BMPER: variants seen among roughly 807,000 people sequenced by gnomAD.
BMPER encodes the protein BMP-binding endothelial regulator protein.
BMPER carries 45 observed loss-of-function variants against 87.3 expected under a neutral mutation model. That is an observed-to-expected ratio of 0.52 (90% confidence interval 0.41 to 0.66). The LOEUF (loss-of-function observed/expected upper bound fraction) is 0.66. BMPER is among the 30% of genes least tolerant of loss of function. The pLI is 0.00. For missense variants in BMPER, 784 were observed against 867.5 expected (o/e 0.90, Z 1.21); for synonymous variants, 326 against 316.2 (o/e 1.03, Z -0.33).
rs761716484 is a variant in BMPER, at chr7:34,085,889, C to A, written c.1542C>A (p.Asn514Lys). 6.2e-7 allele frequency: 1 copy of A among 1,614,172 alleles called. No individual in the cohort carries two copies. The highest frequency in any genetic ancestry group is 1.7e-5 in the Admixed American group (1 of 60,020). The change falls in exon 13 of 15, where the codon AAC becomes AAA. Residue 514 changes from asparagine (N) to lysine (K), a missense_variant. By Grantham distance (94) the Asn-to-Lys change is moderately conservative. Transcript: ENST00000649409. ...ATGACTTAATTGGTGGAGATGGAAA[C>A]TTCAAGTTTGATGTGGATGACTTTG... ...KRDDLIGGDG[N>K]FKFDVDDFAE...
intron 2 of BMPER, among the ~76,000 whole-genome samples, chr7:33,923,822 T>C (rs1034755327): frequency 2.0e-5 from 3 of 152,252 alleles, no homozygotes; most frequent in Non-Finnish European, 4.4e-5. Context: ...TTTTTCTTTT[T>C]GGTGGATCTT....
At chr7:34,058,254 T>G (rs924883576) in intron 10 of BMPER, 91 bp downstream of exon 10, 2 of 1,201,966 alleles carry the variant, frequency 1.7e-6, no homozygotes, top group Non-Finnish European at 2.4e-6. Context: ...GAACACAGAC[T>G]CCAGCTCCCC....
intron 14 of BMPER, 59 bp downstream of exon 14, chr7:34,143,419 A>T: frequency 6.2e-7 from 1 of 1,607,348 alleles, no homozygotes; most frequent in Non-Finnish European, 8.5e-7. Context: ...CAAGATGGCA[A>T]TGGAGGAGAC....
chr7:34,114,270 A>G (rs1280306695), intron 13 of BMPER, among the ~76,000 whole-genome samples: 2 of 152,170 alleles, frequency 1.3e-5, no homozygotes, highest in Non-Finnish European at 2.9e-5. Flanking sequence ...TCAGCCAGCC[A>G]AGGACCTATG....
intron 3 of BMPER, among the ~76,000 whole-genome samples, chr7:33,945,441 G>A (rs769636573): frequency 3.3e-5 from 5 of 150,568 alleles, no homozygotes; most frequent in African/African-American, 1.2e-4. Context: ...TAGTAGAGAC[G>A]GGGTTTCGCC....
intron 13 of BMPER, among the ~76,000 whole-genome samples, chr7:34,106,491 C>T (rs527618228): frequency 2.4e-4 from 37 of 152,166 alleles, no homozygotes; most frequent in Non-Finnish European, 4.4e-4. Context: ...AGGGCTCAGC[C>T]AGCATTGCTC....
chr7:33,909,526 C>A (rs1201790790), intron 2 of BMPER, among the ~76,000 whole-genome samples: 2 of 151,926 alleles, frequency 1.3e-5, no homozygotes, highest in Non-Finnish European at 2.9e-5. Flanking sequence ...TAGTGGTTAG[C>A]TGGTTTTATG....
intron 6 of BMPER, among the ~76,000 whole-genome samples, chr7:33,997,921 A>G (rs981133512): frequency 2.0e-5 from 3 of 152,138 alleles, no homozygotes; most frequent in African/African-American, 7.2e-5. Context: ...TCCCCCTGCC[A>G]CCAGATACTC....
chr7:34,087,729 T>C (rs564959258), intron 13 of BMPER, among the ~76,000 whole-genome samples: 35 of 152,304 alleles, frequency 2.3e-4, no homozygotes, highest in Middle Eastern at 3.4e-3. Context: ...CAAATTTGGA[T>C]TGGACCCTTC....
At position 34,153,438 on chromosome 7, in the gene BMPER, A is replaced by G; in HGVS notation, c.*165A>G. ...TATATTCAAAAACATTGCATCATTT[A>G]TATGAACTATAGGGGGATTATTATA... On this transcript the variant is annotated 3_prime_UTR_variant, in exon 15 of 15. Transcript: ENST00000649409. 1.4e-6 allele frequency: 1 copy of G among 698,646 alleles called. No individual in the cohort carries two copies. The highest frequency in any genetic ancestry group is 1.9e-5 in the South Asian group (1 of 52,146). 43.3% of individuals were successfully genotyped at this position (698,646 alleles called of 1,614,324 possible).
At chr7:34,102,226 A>G (rs1789699809) in intron 13 of BMPER, among the ~76,000 whole-genome samples, 1 of 151,944 alleles carries the variant, frequency 6.6e-6, no homozygotes, top group Non-Finnish European at 1.5e-5. Flanking sequence ...CCTCATGGTT[A>G]TAGCTTCGGA....
At chr7:34,069,071 T>A (rs2127969134) in intron 11 of BMPER, among the ~76,000 whole-genome samples, 1 of 152,358 alleles carries the variant, frequency 6.6e-6, no homozygotes, top group Middle Eastern at 3.4e-3. Flanking sequence ...TAGAAAAAGA[T>A]ATGCGAATTC....
intron 13 of BMPER, among the ~76,000 whole-genome samples, chr7:34,110,017 C>A (rs1789919264): frequency 6.6e-6 from 1 of 152,122 alleles, no homozygotes; most frequent in African/African-American, 2.4e-5. Flanking sequence ...CCAAGGAAAA[C>A]CCTCAGCTGT....
intron 3 of BMPER, among the ~76,000 whole-genome samples, chr7:33,945,710 A>T (rs1467268070): frequency 1.3e-5 from 2 of 152,150 alleles, no homozygotes; most frequent in Non-Finnish European, 2.9e-5. Context: ...ATCTTCATGG[A>T]AGTACCAGAA....
At chr7:34,017,333 C>T (rs190652744) in intron 6 of BMPER, among the ~76,000 whole-genome samples, 9 of 151,940 alleles carry the variant, frequency 5.9e-5, no homozygotes, top group Non-Finnish European at 7.4e-5. Context: ...AATTGACTCG[C>T]GGTTCCTCAT....
In BMPER at chr7:33,998,837, G is replaced by A. The variant is rs138842251; in HGVS notation, c.576+24053G>A. ...GACCTGCTCATCAGAGGAGAGGCCA[G>A]TCTAATTTAGAAGCCAAACAACTTT... On this transcript the variant is annotated intron_variant, in intron 6 of 14. Transcript: ENST00000649409. 2.6e-5 allele frequency among the ~76,000 whole-genome samples: 4 copies of A among 152,364 alleles called. No homozygotes were observed. In the East Asian group the frequency reaches 7.7e-4, roughly 29 times the overall value.
intron 13 of BMPER, 122 bp downstream of exon 13, chr7:34,086,214 CT>C: frequency 8.9e-7 from 1 of 1,128,240 alleles, no homozygotes; most frequent in Non-Finnish European, 1.3e-6. Flanking sequence ...GGGTAGGCAT[CT>C]TCTTGCTGTC....
At chr7:34,070,023 T>G (rs541423171) in intron 11 of BMPER, among the ~76,000 whole-genome samples, 1 of 152,284 alleles carries the variant, frequency 6.6e-6, no homozygotes, top group Non-Finnish European at 1.5e-5. Flanking sequence ...TTGTTTTACT[T>G]TTTGCTTTTT....
chr7:34,082,047 A>G lies in BMPER; in HGVS notation c.1408+2861A>G, dbSNP rs572543405. On this transcript the variant is annotated intron_variant, in intron 12 of 14. Coordinates refer to ENST00000649409, the MANE Select transcript of BMPER (RefSeq NM_001365308.1). Reference sequence around the variant, plus strand: ...TTGAAGGGGGAAGAACAAGTTGGTAAAGCATTCACTAGTAAGAAGGGAAAA... The same window carrying G: ...TTGAAGGGGGAAGAACAAGTTGGTAGAGCATTCACTAGTAAGAAGGGAAAA... Among the ~76,000 whole-genome samples, 9 of 152,314 alleles carry G rather than the reference A, an allele frequency of 5.9e-5. No individual in the cohort carries two copies. In the East Asian group the frequency reaches 1.5e-3, roughly 26 times the overall value.
Sources: gnomAD v4.1 joint callset for allele counts (sites outside exome capture counted in the v4.1 genomes callset) on GRCh38, gnomAD v4.1.1 for gene constraint, MANE v1.5 for transcripts, NCBI Gene and HGNC (gene_info 2026-07-23, HGNC 2026-07-21) for gene names.